The following MX1 variants were observed in gnomAD, a reference collection of about 807,000 sequenced individuals.
MX1 encodes MX dynamin like GTPase 1, also known as interferon-induced GTP-binding protein Mx1.
A neutral mutation model predicts 66.4 loss-of-function variants in MX1; 66 were observed. The observed-to-expected ratio is 0.99, with a 90% confidence interval of 0.82 to 1.22. The LOEUF (loss-of-function observed/expected upper bound fraction) is 1.22, where lower values mean the gene tolerates loss of function less well. MX1 is among the 50% of genes most tolerant of loss of function. MX1 has a pLI of 0.00. For missense variants in MX1, 787 were observed against 834.3 expected (o/e 0.94, Z 0.70); for synonymous variants, 311 against 318.1 (o/e 0.98, Z 0.24).
chr21:41,452,775 A>C lies in MX1; in HGVS notation c.1664A>C (p.Lys555Thr), dbSNP rs750604143. The C allele has an allele frequency of 6.2e-7, 1 of 1,614,200 alleles. No individual in the cohort carries two copies. The highest frequency in any genetic ancestry group is 1.7e-5 in the Admixed American group (1 of 60,032). ...VREKELEEEK[K>T]KKSWDFGAFQ... is the part of the protein sequence containing the mutation. The stretch of plus-strand genomic sequence containing the variant: ...GAGAAGGAGCTGGAAGAAGAAAAGA[A>C]GAAGAAATCCTGGGATTTTGGGGCT... The change falls in exon 16 of 17, where the codon AAG becomes ACG. Residue 555 changes from lysine (K) to threonine (T), a missense_variant. Coordinates refer to ENST00000398598, the MANE Select transcript of MX1 (RefSeq NM_002462.5).
rs754240571 is a variant in MX1, at chr21:41,439,709, C to T, written c.452C>T (p.Ala151Val). Residue 151 changes from alanine (A) to valine (V), a missense_variant, in exon 8 of 17, where the codon GCC becomes GTC. Physicochemically the swap from Ala to Val is moderately conservative, Grantham distance 64. Coordinates refer to ENST00000398598, the MANE Select transcript of MX1 (RefSeq NM_002462.5). ...KEINKAQNAI[A>V]GEGMGISHEL... ...TCTTTTCTAGCCCAGAATGCCATCG[C>T]CGGGGAAGGAATGGGAATCAGTCAT... The T allele has an allele frequency of 6.2e-7, 1 of 1,613,796 alleles. No homozygotes were observed. Among genetic ancestry groups the T allele is most frequent in the East Asian group, 2.2e-5 (1 of 44,880 alleles).
chr21:41,435,362 C>G (rs2090330590), intron 5 of MX1, among the ~76,000 whole-genome samples: 1 of 152,110 alleles, frequency 6.6e-6, no homozygotes, highest in Admixed American at 6.6e-5. Flanking sequence ...GTCTCTCTTC[C>G]ATTCTCTTTT....
chr21:41,422,182 A>G (rs143953529), upstream of MX1: 1 of 152,354 alleles, frequency 6.6e-6, no homozygotes, highest in East Asian at 1.9e-4. Flanking sequence ...AACAGGTTGC[A>G]ATAAAGAAGC....
Position 41,451,216 on chromosome 21 carries a change from G to GT in MX1, c.1488dup (p.Asn497Ter), listed in dbSNP as rs1287344418. 4 of 1,611,406 alleles carry GT rather than the reference G, an allele frequency of 2.5e-6. No homozygotes were observed. The highest frequency in any genetic ancestry group is 3.4e-6 in the Non-Finnish European group (4 of 1,178,516). ...ATGTTTCGATAAAAAATTTTGAAGA[G>GT]TTTTTTAACCTCCACAGAACCGCCA... On this transcript the variant is annotated frameshift_variant, in exon 15 of 17. Transcript: ENST00000398598. LOFTEE classifies it high-confidence loss of function.
intron 4 of MX1, 103 bp from the exon 5 acceptor site, chr21:41,431,947 A>G: frequency 1.2e-6 from 1 of 815,254 alleles, no homozygotes; most frequent in Non-Finnish European, 2.0e-6. Context: ...AACTAGTCAG[A>G]GTCCCCACCT....
At position 41,441,054 on chromosome 21, in the gene MX1, A is replaced by G. The variant is rs427383; in HGVS notation, c.730+29A>G. On this transcript the variant is annotated intron_variant, in intron 9 of 16. Coordinates refer to ENST00000398598, the MANE Select transcript of MX1 (RefSeq NM_002462.5). The surrounding 1 kb of genome is among the most constrained non-coding windows in gnomAD (Gnocchi z 4.0). ...AGAGTGGGGGAGCCCCACTGTGCTC[A>G]GTGAGAATGGGGGAGCCCGCCTGTG... The G allele has an allele frequency of 3.9e-4, 541 of 1,373,268 alleles. 8 individuals are homozygous for G. The South Asian group carries it at 5.8e-3, about 15-fold the overall frequency. The allele number at this position is 1,373,268 out of a possible 1,614,324, so 85.1% of individuals were successfully genotyped here.
At chr21:41,437,463 A>AC (rs2090396640) in intron 7 of MX1, among the ~76,000 whole-genome samples, 1 of 141,428 alleles carries the variant, frequency 7.1e-6, no homozygotes, top group African/African-American at 2.5e-5. Context: ...ACATAGTGAG[A>AC]CCCCGTCTCT....
In MX1 at chr21:41,432,133, A is replaced by G. The variant is rs537356932; in HGVS notation, c.63A>G (p.Leu21=). The change falls in exon 5 of 17, where the codon TTA becomes TTG. Residue 21 remains leucine, a synonymous_variant. Coordinates refer to ENST00000398598, the MANE Select transcript of MX1 (RefSeq NM_002462.5). ...ADPAAASHPL[L]LNGDATVAQK... ...CAGCTGCTGCATCCCACCCTCTATTACTGAATGGAGATGCTACTGTGGCCC... is the reference window on the plus strand; with the variant it reads ...CAGCTGCTGCATCCCACCCTCTATTGCTGAATGGAGATGCTACTGTGGCCC... The G allele has an allele frequency of 2.9e-5, 46 of 1,613,966 alleles. No homozygotes were observed. Among genetic ancestry groups the G allele is most frequent in the Non-Finnish European group, 3.9e-5 (46 of 1,180,020 alleles).
At chr21:41,437,563 C>T (rs990236831) in intron 7 of MX1, among the ~76,000 whole-genome samples, 1 of 146,674 alleles carries the variant, frequency 6.8e-6, no homozygotes, top group African/African-American at 2.4e-5. Flanking sequence ...GTTGCTTGAG[C>T]CTGGGAAGTC....
In MX1 at chr21:41,452,726, AG is replaced by A; in HGVS notation, c.1619del (p.Gly540ValfsTer42). 6.2e-7 allele frequency: 1 copy of A among 1,614,188 alleles called. No individual in the cohort carries two copies. Among genetic ancestry groups the A allele is most frequent in the Non-Finnish European group, 8.5e-7 (1 of 1,180,028 alleles). Reference protein sequence around the residue: ...QIVYCQDQVYRGALQKVREKE... With the variant: ...QIVYCQDQVYXGALQKVREKE... Reference sequence around the variant, plus strand: ...TGTCTACTGCCAGGACCAGGTATACAGGGGTGCATTGCAGAAGGTCAGAGAG... The same window carrying A: ...TGTCTACTGCCAGGACCAGGTATACAGGGTGCATTGCAGAAGGTCAGAGAG... On this transcript the variant is annotated frameshift_variant, in exon 16 of 17. Coordinates refer to ENST00000398598, the MANE Select transcript of MX1 (RefSeq NM_002462.5). LOFTEE classifies it high-confidence loss of function.
rs768910580 is a variant in MX1, at chr21:41,441,786, C to T, written c.801C>T (p.Leu267=). The part of the protein sequence containing the change: ...EDKVVDVVRN[L]VFHLKKGYMI... Reference sequence around the variant, plus strand: ...AGGTTGTGGACGTGGTGCGGAACCTCGTGTTCCACCTGAAGAAGGGTTACA... The same window carrying T: ...AGGTTGTGGACGTGGTGCGGAACCTTGTGTTCCACCTGAAGAAGGGTTACA... The change falls in exon 10 of 17, where the codon CTC becomes CTT. Residue 267 remains leucine (L), a synonymous_variant. Transcript: ENST00000398598. This position sits in a 1 kb window ranked among gnomAD's most constrained non-coding sequence, Gnocchi z 4.0. 7 of 1,614,008 alleles carry T rather than the reference C, an allele frequency of 4.3e-6. No individual in the cohort carries two copies. The highest frequency in any genetic ancestry group is 5.1e-6 in the Non-Finnish European group (6 of 1,180,038).
chr21:41,458,930 C>G lies in MX1; in HGVS notation c.*172C>G. 1 of 1,224,812 alleles carries G rather than the reference C, an allele frequency of 8.2e-7. No individual in the cohort carries two copies. The highest frequency in any genetic ancestry group is 1.1e-6 in the Non-Finnish European group (1 of 907,442). 75.9% of individuals were successfully genotyped at this position (1,224,812 alleles called of 1,614,324 possible). ...GCTGTGAGAGCAGTTTGGTTTCTAG[C>G]ATGAAGACAGAGCCCCACCCTCAGA... On this transcript the variant is annotated 3_prime_UTR_variant, in exon 17 of 17. Coordinates refer to ENST00000398598, the MANE Select transcript of MX1 (RefSeq NM_002462.5).
At chr21:41,443,038 G>C (rs1008356121) in intron 10 of MX1, among the ~76,000 whole-genome samples, 2 of 152,192 alleles carry the variant, frequency 1.3e-5, no homozygotes, top group East Asian at 3.8e-4. Context: ...AGTGGTGATG[G>C]TTGCATAATA....
intron 8 of MX1, among the ~76,000 whole-genome samples, chr21:41,440,204 A>G (rs2090468583): frequency 6.6e-6 from 1 of 152,244 alleles, no homozygotes; most frequent in Non-Finnish European, 1.5e-5. Flanking sequence ...GAGCATTAAA[A>G]ATAAGTATAA....
rs1569002566 is a variant in MX1, at chr21:41,458,757, AAC to A, written c.1989_*1del. ...CGCCGGCTTGCCCAGTTCCCCGGTT[AAC>A]CACACTCTGTCCAGCCCCGTAGACG... On this transcript the variant is annotated stop_lost and 3_prime_UTR_variant, in exon 17 of 17. Transcript: ENST00000398598. The A allele has an allele frequency of 1.2e-6, 2 of 1,611,178 alleles. No homozygotes were observed. The highest frequency in any genetic ancestry group is 2.7e-5 in the African/African-American group (2 of 75,052).
At chr21:41,456,267 C>A (rs571835022) in intron 16 of MX1, among the ~76,000 whole-genome samples, 127 of 152,006 alleles carry the variant, frequency 8.4e-4, no homozygotes, top group African/African-American at 3.0e-3. Flanking sequence ...AAACAAAAAA[C>A]AAAACAAAAC....
chr21:41,421,741 G>A (rs543991713), upstream of MX1: 2 of 153,212 alleles, frequency 1.3e-5, no homozygotes, highest in African/African-American at 4.8e-5. Context: ...CAAGGCAGAA[G>A]AATTTTTCTT....
At chr21:41,442,176 A>G (rs1431703945) in intron 10 of MX1, among the ~76,000 whole-genome samples, 1 of 152,190 alleles carries the variant, frequency 6.6e-6, no homozygotes. Flanking sequence ...ACAATGTACA[A>G]TAATTTACGT....
At chr21:41,431,658 G>T (rs750145454) in intron 4 of MX1, 2 of 161,860 alleles carry the variant, frequency 1.2e-5, no homozygotes, top group Non-Finnish European at 2.7e-5. Flanking sequence ...TGTATTTTTA[G>T]TAGAGACAAG....
Sources: gnomAD v4.1 joint callset for allele counts (sites outside exome capture counted in the v4.1 genomes callset) on GRCh38, gnomAD v4.1.1 for gene constraint, Gnocchi (gnomAD v3.1) non-coding constraint, MANE v1.5 for transcripts, NCBI Gene and HGNC (gene_info 2026-07-23, HGNC 2026-07-21) for gene names.